The following SLC35B3 variants were observed in gnomAD, a reference collection of about 807,000 sequenced individuals.
SLC35B3 encodes adenosine 3'-phospho 5'-phosphosulfate transporter 2.
SLC35B3 carries 35 observed loss-of-function variants against 44.1 expected under a neutral mutation model. The ratio of observed to expected loss-of-function variants is 0.79; its 90% confidence interval spans 0.61 to 1.05. The LOEUF is 1.05. Ranked by LOEUF, SLC35B3 falls within the 50% of genes least tolerant of loss-of-function variation. The pLI is 0.00. For synonymous variants in SLC35B3, 146 were observed against 167.3 expected (o/e 0.87, Z 0.98); for missense variants, 414 against 476.4 (o/e 0.87, Z 1.22).
Position 8,414,888 on chromosome 6 carries a change from TTTAA to T in SLC35B3, c.1055+16_1055+19del, listed in dbSNP as rs777106811. On this transcript the variant is annotated intron_variant, in intron 10 of 10. Coordinates refer to ENST00000644923, the MANE Select transcript of SLC35B3 (RefSeq NM_001370476.2). Reference sequence around the variant, plus strand: ...AGTATCTAAAAACTGAGAAAAATTGTTTAATTAAGAAGTACTTACTGAAACGTGA... The same window carrying T: ...AGTATCTAAAAACTGAGAAAAATTGTTTAAGAAGTACTTACTGAAACGTGA... 5.5e-5 allele frequency: 79 copies of T among 1,436,382 alleles called. No individual in the cohort carries two copies. The African/African-American group carries it at 7.8e-4, about 14-fold the overall frequency. The allele number at this position is 1,436,382 out of a possible 1,614,324, so 89.0% of individuals were successfully genotyped here.
chr6:8,417,608 C>A, intron 7 of SLC35B3, 114 bp from the exon 7 acceptor site: 1 of 567,212 alleles, frequency 1.8e-6, no homozygotes, highest in South Asian at 2.8e-5. Flanking sequence ...TTAAAAGAAA[C>A]ATTATAATTT....
At chr6:8,417,277 T>A in intron 8 of SLC35B3, 125 bp downstream of exon 7, 1 of 655,902 alleles carries the variant, frequency 1.5e-6, no homozygotes, top group South Asian at 1.9e-5. Flanking sequence ...AATTTCCGAT[T>A]GGCATGTTAT....
intron 5 of SLC35B3, among the ~76,000 whole-genome samples, chr6:8,421,035 A>G (rs1376875291): frequency 6.6e-6 from 1 of 152,180 alleles, no homozygotes; most frequent in Non-Finnish European, 1.5e-5. Flanking sequence ...TAGAAACGAG[A>G]GCTACTTTAT....
chr6:8,425,606 A>AATT (rs1763337163), intron 4 of SLC35B3, among the ~76,000 whole-genome samples: 1 of 152,172 alleles, frequency 6.6e-6, no homozygotes, highest in Non-Finnish European at 1.5e-5. Context: ...TAGACCCATG[A>AATT]AGAAACCTGT....
rs1336809382 is a variant in SLC35B3, at chr6:8,412,774, C to T, written c.*775G>A. Among the ~76,000 whole-genome samples the T allele has an allele frequency of 6.6e-6, 1 of 152,146 alleles. No homozygotes were observed. Among genetic ancestry groups the T allele is most frequent in the African/African-American group, 2.4e-5 (1 of 41,420 alleles). ...CAAAAGGAGTGTACAACCCAAACCC[C>T]TTGCATATGCGGTTCATAACAGGGT... is the stretch of plus-strand genomic sequence containing the variant. On this transcript the variant is annotated 3_prime_UTR_variant, in exon 11 of 11. Coordinates refer to ENST00000644923, the MANE Select transcript of SLC35B3 (RefSeq NM_001370476.2).
chr6:8,422,222 C>T (rs1762958950), intron 5 of SLC35B3, among the ~76,000 whole-genome samples: 2 of 152,130 alleles, frequency 1.3e-5, no homozygotes, highest in Admixed American at 6.5e-5. Context: ...CCAGGCTGGT[C>T]TCGAACTCCT....
rs796207473 is a variant in SLC35B3, at chr6:8,435,412, C to A, written c.-113G>T. The A allele has an allele frequency of 7.8e-7, 1 of 1,286,400 alleles. No homozygotes were observed. The highest frequency in any genetic ancestry group is 1.5e-5 in the African/African-American group (1 of 65,806). 79.7% of individuals were successfully genotyped at this position (1,286,400 alleles called of 1,614,324 possible). ...GGCGTCTGAGCTAGACGGAGCATCT[C>A]CCCCTCCCCTGGTCCGTCGCCATCA... On this transcript the variant is annotated 5_prime_UTR_variant, in exon 1 of 11. Transcript: ENST00000644923. This position sits in a 1 kb window ranked among gnomAD's most constrained non-coding sequence, Gnocchi z 5.5.
rs1425923504 is a variant in SLC35B3, at chr6:8,413,444, G to C, written c.*105C>G. On this transcript the variant is annotated 3_prime_UTR_variant, in exon 11 of 11. Transcript: ENST00000644923. The stretch of plus-strand genomic sequence containing the variant: ...TCATATGAAATCTGTCCACAAATGG[G>C]ATAGCAATGCCTCCAGATCCTTTGG... 1 of 946,472 alleles carries C rather than the reference G, an allele frequency of 1.1e-6. No homozygotes were observed. Among genetic ancestry groups the C allele is most frequent in the Non-Finnish European group, 1.5e-6 (1 of 651,454 alleles). 58.6% of individuals were successfully genotyped at this position (946,472 alleles called of 1,614,324 possible).
rs774782036 is a variant in SLC35B3, at chr6:8,432,766, T to G, written c.3+1619A>C. Among the ~76,000 whole-genome samples, 1 of 152,152 alleles carries G rather than the reference T, an allele frequency of 6.6e-6. No individual in the cohort carries two copies. Among genetic ancestry groups the G allele is most frequent in the African/African-American group, 2.4e-5 (1 of 41,412 alleles). On this transcript the variant is annotated intron_variant, in intron 2 of 10. Coordinates refer to ENST00000644923, the MANE Select transcript of SLC35B3 (RefSeq NM_001370476.2). The surrounding 1 kb of genome is among the most constrained non-coding windows in gnomAD (Gnocchi z 4.8). ...TGTGTTAGCTGTCATCCTTCAACTTTTTAGAAATATTGCTAGGGTGATATG... is the reference window on the plus strand; with the variant it reads ...TGTGTTAGCTGTCATCCTTCAACTTGTTAGAAATATTGCTAGGGTGATATG...
chr6:8,416,043 A>T (rs1180568869), intron 9 of SLC35B3, among the ~76,000 whole-genome samples: 2 of 152,184 alleles, frequency 1.3e-5, no homozygotes, highest in African/African-American at 4.8e-5. Context: ...GACTGCCATC[A>T]CTGGAACCTG....
chr6:8,415,919 G>A (rs1320167726), intron 9 of SLC35B3, among the ~76,000 whole-genome samples: 1 of 152,124 alleles, frequency 6.6e-6, no homozygotes, highest in Non-Finnish European at 1.5e-5. Context: ...TGCATAGCAT[G>A]AGGATGAAGA....
In SLC35B3 at chr6:8,435,506, ACT is replaced by A. The variant is rs1561771040; in HGVS notation, c.-209_-208del. The A allele has an allele frequency of 1.4e-6, 1 of 723,676 alleles. No individual in the cohort carries two copies. The allele number at this position is 723,676 out of a possible 1,614,324, so 44.8% of individuals were successfully genotyped here. ...CGCGGCGGTCGCCTCCCCGGAAAGC[ACT>A]CTCAACTCCGGCGCCCGCAGGCCAC... On this transcript the variant is annotated 5_prime_UTR_variant, in exon 1 of 11. Transcript: ENST00000644923. This position sits in a 1 kb window ranked among gnomAD's most constrained non-coding sequence, Gnocchi z 5.5.
intron 4 of SLC35B3, among the ~76,000 whole-genome samples, chr6:8,423,901 C>T (rs1334049502): frequency 2.0e-5 from 3 of 152,104 alleles, no homozygotes; most frequent in Non-Finnish European, 2.9e-5. Flanking sequence ...ATTGGGATAT[C>T]ATCAGTGATG....
chr6:8,416,825 G>T (rs930911478), intron 9 of SLC35B3, 59 bp downstream of exon 8: 25 of 758,318 alleles, frequency 3.3e-5, no homozygotes, highest in Non-Finnish European at 5.2e-5. Flanking sequence ...TTTTGAAAAA[G>T]AGCATCAGAG....
rs755808845 is a variant in SLC35B3 at position 8,417,421 on chromosome 6, G to T, written c.854C>A (p.Ala285Glu). 10 of 1,596,366 alleles carry T rather than the reference G, an allele frequency of 6.3e-6. No individual in the cohort carries two copies. The South Asian group carries it at 1.1e-4, about 18-fold the overall frequency. ...GTTTACCTTTGCACAAAATGTTACT[G>T]CAGGGCCTAATCCACTAGTGCATGT... is the stretch of plus-strand genomic sequence containing the variant. The change falls in exon 8 of 11, where the codon GCA becomes GAA. Residue 285 changes from alanine (A) to glutamate (E), a missense_variant. By Grantham distance (107) the Ala-to-Glu change is moderately radical. Transcript: ENST00000644923.
Position 8,412,845 on chromosome 6 carries a change from G to A in SLC35B3, c.*704C>T, listed in dbSNP as rs1762100423. 1.3e-5 allele frequency among the ~76,000 whole-genome samples: 2 copies of A among 152,202 alleles called. No individual in the cohort carries two copies. Among genetic ancestry groups the A allele is most frequent in the African/African-American group, 2.4e-5 (1 of 41,454 alleles). On this transcript the variant is annotated 3_prime_UTR_variant, in exon 11 of 11. Transcript: ENST00000644923. ...AACGCTGCTGCTGATCTGACAGGAA[G>A]TGGAGCTCAGATGGTAATGCTCACT...
chr6:8,434,527 T>C lies in SLC35B3; in HGVS notation c.-43-97A>G. 1 of 973,030 alleles carries C rather than the reference T, an allele frequency of 1.0e-6. No individual in the cohort carries two copies. The highest frequency in any genetic ancestry group is 1.5e-6 in the Non-Finnish European group (1 of 681,758). The allele number at this position is 973,030 out of a possible 1,614,324, so 60.3% of individuals were successfully genotyped here. A position where few individuals can be genotyped will look rare whatever the true frequency, so the allele number is the denominator to read the frequency against. ...AAGGTGGAGAAACCCTGTGCTAATG[T>C]TTGAAGACTATTCTTTTTTTTTTCC... On this transcript the variant is annotated intron_variant, in intron 1 of 10. Coordinates refer to ENST00000644923, the MANE Select transcript of SLC35B3 (RefSeq NM_001370476.2). The surrounding 1 kb of genome is among the most constrained non-coding windows in gnomAD (Gnocchi z 6.3).
At chr6:8,427,897 C>G in intron 4 of SLC35B3, 40 bp downstream of exon 3, 3 of 1,526,250 alleles carry the variant, frequency 2.0e-6, no homozygotes, top group Non-Finnish European at 2.6e-6. Context: ...AAAAATTCAA[C>G]TAATATAGAA....
At chr6:8,426,055 T>C (rs1245720073) in intron 4 of SLC35B3, among the ~76,000 whole-genome samples, 1 of 152,210 alleles carries the variant, frequency 6.6e-6, no homozygotes, top group Non-Finnish European at 1.5e-5. Context: ...GAACGCAACC[T>C]CAGCTATCGG....
Sources: gnomAD v4.1 joint callset for allele counts (sites outside exome capture counted in the v4.1 genomes callset) on GRCh38, gnomAD v4.1.1 for gene constraint, Gnocchi (gnomAD v3.1) non-coding constraint, MANE v1.5 for transcripts, NCBI Gene and HGNC (gene_info 2026-07-23, HGNC 2026-07-21) for gene names.